Variants in SRSF4 observed in about 807,000 individuals in gnomAD.
SRSF4 encodes the protein serine/arginine-rich splicing factor 4.
In SRSF4, 12 loss-of-function variants were observed where a neutral mutation model predicts 48.8. The observed-to-expected ratio is 0.25, with a 90% CI of 0.16 to 0.40. The LOEUF is 0.40. SRSF4 is among the 10% of genes least tolerant of loss of function. SRSF4 has a pLI of 1.00. For missense variants in SRSF4, 466 were observed against 667.1 expected (o/e 0.70, Z 3.32); for synonymous variants, 248 against 232.5 (o/e 1.07, Z -0.61).
At chr1:29,161,445 G>A (rs969084345) in intron 1 of SRSF4, among the ~76,000 whole-genome samples, 1 of 152,112 alleles carries the variant, frequency 6.6e-6, no homozygotes, top group African/African-American at 2.4e-5. Flanking sequence ...AAAGTTACAA[G>A]CAATTTCTTT....
intron 4 of SRSF4, among the ~76,000 whole-genome samples, chr1:29,150,622 T>C (rs1672395565): frequency 6.6e-6 from 1 of 152,178 alleles, no homozygotes; most frequent in Non-Finnish European, 1.5e-5. Context: ...TCTTGGGTTC[T>C]AGGTCCACAG....
intron 5 of SRSF4, 103 bp downstream of exon 5, chr1:29,150,000 C>CT (rs774810801): frequency 2.1e-6 from 2 of 962,994 alleles, no homozygotes; most frequent in Non-Finnish European, 3.2e-6. Flanking sequence ...TGGACTCCAG[C>CT]TTGGGTGACA....
Position 29,181,876 on chromosome 1 carries a change from A to T in SRSF4, c.-124T>A. On this transcript the variant is annotated 5_prime_UTR_variant, in exon 1 of 6. Transcript: ENST00000373795. ...CGGGCGGCGGGACGGACGCAGCCGAACCCCGGCGACGTACGCGAGCACGCA... is the reference window on the plus strand; with the variant it reads ...CGGGCGGCGGGACGGACGCAGCCGATCCCCGGCGACGTACGCGAGCACGCA... 3 of 688,350 alleles carry T rather than the reference A, an allele frequency of 4.4e-6. No individual in the cohort carries two copies. Among genetic ancestry groups the T allele is most frequent in the Non-Finnish European group, 4.2e-6 (2 of 478,094 alleles). The allele number at this position is 688,350 out of a possible 1,614,324, so 42.6% of individuals were successfully genotyped here. A position where few individuals can be genotyped will look rare whatever the true frequency, so the allele number is the denominator to read the frequency against.
At position 29,148,647 on chromosome 1, in the gene SRSF4, T is replaced by G. The variant is rs149954582; in HGVS notation, c.1248A>C (p.Glu416Asp). ...SPSRSVSKEREHAKSESSQRE... is the reference protein window; with the variant it reads ...SPSRSVSKERDHAKSESSQRE... The stretch of plus-strand genomic sequence containing the variant: ...TCTGGCTGGATTCAGACTTGGCATG[T>G]TCCCGCTCCTTTGACACGGAGCGGG... The change falls in exon 6 of 6, where the codon GAA becomes GAC. Residue 416 changes from glutamate (E) to aspartate (D), a missense_variant. Physicochemically the swap from Glu to Asp is conservative, Grantham distance 45. Transcript: ENST00000373795. 1 of 1,614,048 alleles carries G rather than the reference T, an allele frequency of 6.2e-7. No homozygotes were observed. The highest frequency in any genetic ancestry group is 1.3e-5 in the African/African-American group (1 of 74,940).
Position 29,181,144 on chromosome 1 carries a change from G to A in SRSF4, c.107+502C>T, listed in dbSNP as rs567837288. Among the ~76,000 whole-genome samples, 5 of 152,318 alleles carry A rather than the reference G, an allele frequency of 3.3e-5. No individual in the cohort carries two copies. In the South Asian group the frequency reaches 1.0e-3, roughly 32 times the overall value. On this transcript the variant is annotated intron_variant, in intron 1 of 5. Transcript: ENST00000373795. ...TCCCGCCCAAAAAAGCGTGGCACACGGCTAAAAAGGGCCTCCCTCCAAGGC... is the reference window on the plus strand; with the variant it reads ...TCCCGCCCAAAAAAGCGTGGCACACAGCTAAAAAGGGCCTCCCTCCAAGGC...
chr1:29,162,718 G>A (rs979056218), intron 1 of SRSF4, among the ~76,000 whole-genome samples: 2 of 152,220 alleles, frequency 1.3e-5, no homozygotes, highest in Non-Finnish European at 2.9e-5. Flanking sequence ...ATGACTGAAT[G>A]ACCAGGACTG....
In SRSF4 at chr1:29,181,663, C is replaced by T; in HGVS notation, c.90G>A (p.Glu30=). ...CTCCTCACCCGTTCTTCAGATCCACCTCCAGGATCTTCCCGTAGCCCTTAA... is the reference window on the plus strand; with the variant it reads ...CTCCTCACCCGTTCTTCAGATCCACTTCCAGGATCTTCCCGTAGCCCTTAA... The part of the protein sequence containing the change: ...RFFKGYGKIL[E]VDLKNGYGFV... The change falls in exon 1 of 6, where the codon GAG becomes GAA. Residue 30 remains glutamate (E), a synonymous_variant. Coordinates refer to ENST00000373795, the MANE Select transcript of SRSF4 (RefSeq NM_005626.5). 1.3e-6 allele frequency: 2 copies of T among 1,594,108 alleles called. No homozygotes were observed. Among genetic ancestry groups the T allele is most frequent in the Non-Finnish European group, 1.7e-6 (2 of 1,171,884 alleles).
chr1:29,176,763 G>A (rs1672862582), intron 1 of SRSF4, among the ~76,000 whole-genome samples: 1 of 152,074 alleles, frequency 6.6e-6, no homozygotes, highest in Admixed American at 6.6e-5. Context: ...CATTAAACAA[G>A]GGCGAAAACA....
In SRSF4 at chr1:29,148,131, G is replaced by C. The variant is rs1672334602; in HGVS notation, c.*279C>G. The C allele has an allele frequency of 1.7e-6, 1 of 582,864 alleles. No individual in the cohort carries two copies. Among genetic ancestry groups the C allele is most frequent in the Non-Finnish European group, 3.2e-6 (1 of 310,282 alleles). 36.1% of individuals were successfully genotyped at this position (582,864 alleles called of 1,614,324 possible). ...CGTCCAGGTTACTGAGCTCCCTGTA[G>C]GAAAGGCCAGGCCTGAAAGCCAAGG... On this transcript the variant is annotated 3_prime_UTR_variant, in exon 6 of 6. Coordinates refer to ENST00000373795, the MANE Select transcript of SRSF4 (RefSeq NM_005626.5).
At chr1:29,155,429 T>C (rs1042778093) in intron 3 of SRSF4, among the ~76,000 whole-genome samples, 3 of 151,840 alleles carry the variant, frequency 2.0e-5, no homozygotes, top group Non-Finnish European at 2.9e-5. Context: ...AGACCCTACC[T>C]CAAAACAAAA....
chr1:29,149,208 C>T lies in SRSF4; in HGVS notation c.687G>A (p.Arg229=), dbSNP rs1379321527. The T allele has an allele frequency of 8.1e-6, 13 of 1,608,492 alleles. No individual in the cohort carries two copies. Among genetic ancestry groups the T allele is most frequent in the Non-Finnish European group, 1.1e-5 (13 of 1,179,906 alleles). The part of the protein sequence containing the change: ...RSRSRSGSRS[R]SKSRSRSQSR... The stretch of plus-strand genomic sequence containing the variant: ...TCTGGCTCCGGCTCCGGCTCTTGCT[C>T]CGGGAGCGGGAGCCCGACCTGAGGA... The change falls in exon 6 of 6, where the codon CGG becomes CGA. Residue 229 remains arginine (R), a synonymous_variant. Transcript: ENST00000373795.
rs370446170 is a variant in SRSF4, at chr1:29,149,010, T to C, written c.885A>G (p.Lys295=). The part of the protein sequence containing the change: ...KPKSRSPSRH[K]SKSKSRSRSQ... ...TCCTGCTCCGACTTTTGCTCTTACT[T>C]TTATGCCTGCTAGGACTCCGGCTCT... The change falls in exon 6 of 6, where the codon AAA becomes AAG. Residue 295 remains lysine, a synonymous_variant. Transcript: ENST00000373795. The C allele has an allele frequency of 1.2e-6, 2 of 1,613,512 alleles. No homozygotes were observed. Among genetic ancestry groups the C allele is most frequent in the Non-Finnish European group, 1.7e-6 (2 of 1,179,908 alleles).
chr1:29,158,046 C>T (rs552087929), intron 3 of SRSF4, among the ~76,000 whole-genome samples: 24 of 152,162 alleles, frequency 1.6e-4, no homozygotes, highest in African/African-American at 5.5e-4. Context: ...GTGGCATGCA[C>T]TTGTAATCCC....
rs577432470 is a variant in SRSF4, at chr1:29,148,102, G to A, written c.*308C>T. 16 of 542,984 alleles carry A rather than the reference G, an allele frequency of 2.9e-5. No homozygotes were observed. In the East Asian group the frequency reaches 3.7e-4, roughly 13 times the overall value. 33.6% of individuals were successfully genotyped at this position (542,984 alleles called of 1,614,324 possible). ...TACCTATGTGGTCATTCCAGCCTTAGAGCCGTCCAGGTTACTGAGCTCCCT... is the reference window on the plus strand; with the variant it reads ...TACCTATGTGGTCATTCCAGCCTTAAAGCCGTCCAGGTTACTGAGCTCCCT... On this transcript the variant is annotated 3_prime_UTR_variant, in exon 6 of 6. Transcript: ENST00000373795.
chr1:29,167,284 T>C (rs1672681725), intron 1 of SRSF4, among the ~76,000 whole-genome samples: 1 of 152,274 alleles, frequency 6.6e-6, no homozygotes, highest in Non-Finnish European at 1.5e-5. Flanking sequence ...TCTTCTTCCA[T>C]ATGCTTGAGA....
intron 1 of SRSF4, among the ~76,000 whole-genome samples, chr1:29,177,443 G>A (rs746093112): frequency 1.2e-4 from 18 of 152,020 alleles, no homozygotes; most frequent in Non-Finnish European, 2.4e-4. Flanking sequence ...CACGACGCCC[G>A]GCTAACTTTG....
intron 1 of SRSF4, among the ~76,000 whole-genome samples, chr1:29,163,195 A>G (rs1274562412): frequency 6.6e-6 from 1 of 152,228 alleles, no homozygotes; most frequent in African/African-American, 2.4e-5. Context: ...AACCTCCCCC[A>G]GTATTTACTT....
chr1:29,149,564 C>T (rs901025460), intron 5 of SRSF4, among the ~76,000 whole-genome samples: 2 of 152,092 alleles, frequency 1.3e-5, no homozygotes, highest in East Asian at 1.9e-4. Context: ...GCCTGTAAAC[C>T]GAGCTACTCA....
intron 1 of SRSF4, chr1:29,169,215 T>C (rs1264390768): frequency 5.3e-5 from 8 of 152,092 alleles, no homozygotes; most frequent in African/African-American, 1.7e-4. Flanking sequence ...CTTAGAGGAG[T>C]TGAGTAACTT....
Sources: allele counts gnomAD v4.1 joint callset (sites outside exome capture counted in the v4.1 genomes callset), GRCh38; gene constraint gnomAD v4.1.1; transcripts MANE v1.5; gene names NCBI Gene and HGNC (gene_info 2026-07-23, HGNC 2026-07-21).